ZNF566: variants seen among roughly 807,000 people sequenced by gnomAD.
ZNF566 encodes the protein zinc finger protein 566.
ZNF566 carries 27 observed loss-of-function variants against 32.8 expected under a neutral mutation model. The observed-to-expected ratio is 0.82, with a 90% CI of 0.61 to 1.14. ZNF566 has a LOEUF of 1.14. Among genes scored for constraint, ZNF566 ranks in the 50% most tolerant of loss-of-function variants. ZNF566 has a pLI of 0.00. For synonymous variants in ZNF566, 154 were observed against 159.5 expected, an observed-to-expected ratio of 0.97 and a Z score of 0.26; for missense variants, 402 against 490.4, an observed-to-expected ratio of 0.82 and a Z score of 1.70.
chr19:36,485,271 CAAA>C (rs748231707), intron 1 of ZNF566, among the ~76,000 whole-genome samples: 56 of 81,938 alleles, frequency 6.8e-4, no homozygotes, highest in African/African-American at 2.4e-3. Context: ...GCTATCTCTA[CAAA>C]AAAAAAAAAA....
chr19:36,469,185 T>C (rs1224998803), intron 4 of ZNF566, among the ~76,000 whole-genome samples: 1 of 151,878 alleles, frequency 6.6e-6, no homozygotes, highest in Non-Finnish European at 1.5e-5. Context: ...AGTATCAGTA[T>C]TTTTTAGAAT....
chr19:36,461,979 T>G (rs1420072500), intron 4 of ZNF566, among the ~76,000 whole-genome samples: 1 of 148,542 alleles, frequency 6.7e-6, no homozygotes, highest in East Asian at 2.0e-4. Flanking sequence ...ACTGAGTTTT[T>G]TGAACTTTGG....
At chr19:36,450,923 G>A (rs1006165697) in intron 4 of ZNF566, among the ~76,000 whole-genome samples, 1 of 152,204 alleles carries the variant, frequency 6.6e-6, no homozygotes, top group Non-Finnish European at 1.5e-5. Context: ...TCAAGAAAAA[G>A]TTTGCCAGCC....
chr19:36,482,328 A>T (rs1235625867), intron 1 of ZNF566, among the ~76,000 whole-genome samples: 2 of 152,090 alleles, frequency 1.3e-5, no homozygotes, highest in Non-Finnish European at 2.9e-5. Context: ...GATGGTCTTG[A>T]TCTCCTGACC....
intron 2 of ZNF566, 30 bp downstream of exon 2, chr19:36,476,519 C>T (rs1165985992): frequency 6.3e-7 from 1 of 1,599,586 alleles, no homozygotes; most frequent in Non-Finnish European, 8.6e-7. Context: ...AAAAATCACT[C>T]TATCTGAGCA....
At chr19:36,457,051 C>A (rs2033333939) in intron 4 of ZNF566, among the ~76,000 whole-genome samples, 1 of 152,166 alleles carries the variant, frequency 6.6e-6, no homozygotes, top group African/African-American at 2.4e-5. Context: ...AAAATAGACA[C>A]ATCAACCAAT....
Position 36,489,485 on chromosome 19 carries a change from C to A in ZNF566, c.-60+1G>T, listed in dbSNP as rs1042241991. The A allele has an allele frequency of 1.5e-4, 52 of 336,466 alleles. No homozygotes were observed. Among genetic ancestry groups the A allele is most frequent in the African/African-American group, 1.1e-3 (52 of 46,258 alleles). The allele number at this position is 336,466 out of a possible 1,614,324, so 20.8% of individuals were successfully genotyped here. On this transcript the variant is annotated splice_donor_variant, in intron 1 of 4. Transcript: ENST00000452939. LOFTEE classifies it low-confidence loss of function (5UTR_SPLICE). ...CCCGGGTTTCTCACCTCAGGCCTTA[C>A]CAGCTTTCGAAGCAGCAGAACCCTC...
intron 4 of ZNF566, among the ~76,000 whole-genome samples, chr19:36,454,169 G>T (rs995354203): frequency 6.6e-6 from 1 of 152,024 alleles, no homozygotes; most frequent in Non-Finnish European, 1.5e-5. Flanking sequence ...AAAGTGCTGG[G>T]AATACAGGTG....
At chr19:36,471,224 A>T (rs569936498) in intron 4 of ZNF566, among the ~76,000 whole-genome samples, 3 of 151,436 alleles carry the variant, frequency 2.0e-5, no homozygotes, top group Non-Finnish European at 2.9e-5. Flanking sequence ...AAAAAAAAAA[A>T]AAAAAAAATA....
intron 1 of ZNF566, among the ~76,000 whole-genome samples, chr19:36,487,625 C>G (rs1194520922): frequency 6.6e-6 from 1 of 152,116 alleles, no homozygotes; most frequent in Non-Finnish European, 1.5e-5. Flanking sequence ...ATGTGTAAGA[C>G]AGCCAGATGC....
At chr19:36,475,745 T>G (rs2033868770) in intron 2 of ZNF566, among the ~76,000 whole-genome samples, 1 of 151,978 alleles carries the variant, frequency 6.6e-6, no homozygotes, top group African/African-American at 2.4e-5. Flanking sequence ...ACTGGGGTTG[T>G]TTAGGAGGAA....
At chr19:36,457,590 A>G (rs1044675179) in intron 4 of ZNF566, among the ~76,000 whole-genome samples, 2 of 152,172 alleles carry the variant, frequency 1.3e-5, no homozygotes, top group African/African-American at 4.8e-5. Context: ...AATTGAAACC[A>G]CAATGAAATA....
intron 4 of ZNF566, chr19:36,456,419 A>G (rs892096542): frequency 1.3e-5 from 2 of 148,940 alleles, no homozygotes; most frequent in African/African-American, 2.5e-5. Context: ...CGGGCGTGGC[A>G]GCATGCACCT....
intron 3 of ZNF566, 154 bp downstream of exon 3, chr19:36,473,178 G>T: frequency 9.0e-7 from 1 of 1,113,818 alleles, no homozygotes; most frequent in Non-Finnish European, 1.3e-6. Flanking sequence ...ACTCAATGCA[G>T]CTTCCTTTTT....
intron 1 of ZNF566, among the ~76,000 whole-genome samples, chr19:36,477,278 A>G (rs951070432): frequency 1.3e-5 from 2 of 152,026 alleles, no homozygotes; most frequent in African/African-American, 4.8e-5. Context: ...CCAATGTGCT[A>G]AGATTACAGG....
intron 1 of ZNF566, among the ~76,000 whole-genome samples, chr19:36,481,406 G>A (rs1403734079): frequency 6.6e-6 from 1 of 150,676 alleles, no homozygotes; most frequent in Non-Finnish European, 1.5e-5. Flanking sequence ...AGGAGGCGGA[G>A]GTTGCAGTGA....
Position 36,446,193 on chromosome 19 carries a change from A to G in ZNF566, c.*2784T>C, listed in dbSNP as rs1384221957. 5.3e-5 allele frequency: 8 copies of G among 152,186 alleles called. No individual in the cohort carries two copies. The highest frequency in any genetic ancestry group is 3.9e-4 in the Admixed American group (6 of 15,274). 9.4% of individuals were successfully genotyped at this position (152,186 alleles called of 1,614,324 possible). On this transcript the variant is annotated 3_prime_UTR_variant, in exon 5 of 5. Transcript: ENST00000452939. The stretch of plus-strand genomic sequence containing the variant: ...ATATGGGTAATATACACAACCTTTA[A>G]ATATTATTCAGAAGAAAATTGACAG...
chr19:36,463,161 G>A (rs1006269382), intron 4 of ZNF566, among the ~76,000 whole-genome samples: 14 of 151,090 alleles, frequency 9.3e-5, no homozygotes, highest in Non-Finnish European at 4.4e-5. Context: ...AAAATTAGCT[G>A]GGCACGGTGG....
intron 2 of ZNF566, among the ~76,000 whole-genome samples, chr19:36,475,360 A>T (rs2033858845): frequency 6.6e-6 from 1 of 152,108 alleles, no homozygotes; most frequent in African/African-American, 2.4e-5. Flanking sequence ...TTTTTCATGG[A>T]TGCTTAGTGA....
Sources: allele counts gnomAD v4.1 joint callset (sites outside exome capture counted in the v4.1 genomes callset), GRCh38; gene constraint gnomAD v4.1.1; transcripts MANE v1.5; gene names NCBI Gene and HGNC (gene_info 2026-07-23, HGNC 2026-07-21).